CDH18: variants seen among roughly 807,000 people sequenced by gnomAD.
CDH18 encodes cadherin 18.
CDH18 carries 31 observed loss-of-function variants against 67.9 expected under a neutral mutation model. That is an observed-to-expected ratio of 0.46 (90% CI 0.34 to 0.62). The LOEUF (loss-of-function observed/expected upper bound fraction) is 0.62, where lower values mean the gene tolerates loss of function less well. CDH18 is among the 20% of genes least tolerant of loss of function. The pLI, the probability that CDH18 is intolerant of heterozygous loss-of-function variation, is 0.01. For synonymous variants in CDH18, 362 were observed against 347.2 expected (o/e 1.04, Z -0.48); for missense variants, 890 against 975.5 (o/e 0.91, Z 1.17).
At chr5:20,186,365 A>ATTCC (rs1391900528) in intron 2 of CDH18, among the ~76,000 whole-genome samples, 1 of 152,016 alleles carries the variant, frequency 6.6e-6, no homozygotes, top group African/African-American at 2.4e-5. Context: ...AGTGGAAGGA[A>ATTCC]ATATTTGCAA....
chr5:19,755,437 A>ATGTG (rs1771431422), intron 3 of CDH18, among the ~76,000 whole-genome samples: 1 of 10,176 alleles, frequency 9.8e-5, no homozygotes, highest in Admixed American at 2.3e-3. Context: ...GTATGTATAT[A>ATGTG]TATATATATA....
At chr5:20,359,304 A>C (rs1741897942) in intron 1 of CDH18, among the ~76,000 whole-genome samples, 1 of 152,170 alleles carries the variant, frequency 6.6e-6, no homozygotes, top group African/African-American at 2.4e-5. Context: ...TTATTTAATA[A>C]AAATATAAAG....
chr5:19,683,634 G>T (rs1380293363), intron 5 of CDH18, among the ~76,000 whole-genome samples: 1 of 151,900 alleles, frequency 6.6e-6, no homozygotes, highest in African/African-American at 2.4e-5. Flanking sequence ...CTGATAATGG[G>T]CATTTATTAC....
intron 2 of CDH18, among the ~76,000 whole-genome samples, chr5:20,184,550 T>A (rs1444344573): frequency 6.6e-6 from 1 of 152,106 alleles, no homozygotes; most frequent in African/African-American, 2.4e-5. Flanking sequence ...AAAATGACTA[T>A]AAGGTTATGT....
Position 19,918,182 on chromosome 5 carries a change from G to A in CDH18, c.-257+62878C>T, listed in dbSNP as rs888099540. Among the ~76,000 whole-genome samples, 3 of 152,168 alleles carry A rather than the reference G, an allele frequency of 2.0e-5. No individual in the cohort carries two copies. In the East Asian group the frequency reaches 5.8e-4, roughly 29 times the overall value. ...CCACAAATATACTCTGTCAAATTAT[G>A]TCAACATCAGCCTTCATCTCTGACT... is the stretch of plus-strand genomic sequence containing the variant. On this transcript the variant is annotated intron_variant, in intron 2 of 12. Transcript: ENST00000382275.
intron 1 of CDH18, among the ~76,000 whole-genome samples, chr5:20,277,860 A>G (rs1340848480): frequency 6.6e-6 from 1 of 152,194 alleles, no homozygotes; most frequent in Non-Finnish European, 1.5e-5. Flanking sequence ...GGAGTTGAAA[A>G]TGCAGTTGAC....
chr5:19,912,534 T>C (rs1791268939), intron 2 of CDH18, among the ~76,000 whole-genome samples: 1 of 152,206 alleles, frequency 6.6e-6, no homozygotes. Context: ...TACTAGTTTG[T>C]CTATTTTAAG....
At chr5:19,586,590 T>C (rs1028536891) in intron 7 of CDH18, among the ~76,000 whole-genome samples, 2 of 152,216 alleles carry the variant, frequency 1.3e-5, no homozygotes, top group Non-Finnish European at 2.9e-5. Flanking sequence ...CACCACATTA[T>C]CTTTACCTAG....
intron 2 of CDH18, among the ~76,000 whole-genome samples, chr5:20,101,427 C>T (rs554519734): frequency 3.6e-4 from 55 of 152,064 alleles, no homozygotes; most frequent in Non-Finnish European, 6.9e-4. Flanking sequence ...GCTTATAAAC[C>T]TTCCAATGAG....
At chr5:19,775,544 G>C (rs1355183691) in intron 3 of CDH18, among the ~76,000 whole-genome samples, 1 of 152,062 alleles carries the variant, frequency 6.6e-6, no homozygotes, top group African/African-American at 2.4e-5. Flanking sequence ...AAAGACAGTG[G>C]GGGGGAGATG....
intron 1 of CDH18, among the ~76,000 whole-genome samples, chr5:20,336,291 G>A (rs1194872029): frequency 2.0e-5 from 3 of 152,156 alleles, no homozygotes; most frequent in Non-Finnish European, 4.4e-5. Context: ...AATGAGAGAG[G>A]ACACAGTTAG....
At position 20,523,181 on chromosome 5, in the gene CDH18, C is replaced by T. The variant is rs372157390; in HGVS notation, c.-580+52281G>A. The stretch of plus-strand genomic sequence containing the variant: ...TATCCAAGTGGTATGTTGCTGAAAA[C>T]ATTAATTTTTACTAATGCTAGGAAA... On this transcript the variant is annotated intron_variant, in intron 1 of 14. Coordinates refer to the CDH18 transcript ENST00000507958. 9.9e-5 allele frequency among the ~76,000 whole-genome samples: 15 copies of T among 152,252 alleles called. No homozygotes were observed. The East Asian group carries it at 1.5e-3, about 16-fold the overall frequency.
At chr5:19,728,604 A>G (rs1767173650) in intron 4 of CDH18, among the ~76,000 whole-genome samples, 1 of 152,180 alleles carries the variant, frequency 6.6e-6, no homozygotes. Context: ...AGAGGCAGAA[A>G]GAGTAGACTT....
intron 9 of CDH18, among the ~76,000 whole-genome samples, chr5:19,524,535 C>T (rs1358299751): frequency 1.3e-5 from 2 of 151,868 alleles, no homozygotes; most frequent in Non-Finnish European, 2.9e-5. Flanking sequence ...TGATTTATCT[C>T]AGCAAAGGGT....
In CDH18 at chr5:19,747,242, A is replaced by C; in HGVS notation, c.229-6T>G. On this transcript the variant is annotated splice_region_variant and splice_polypyrimidine_tract_variant and intron_variant, in intron 3 of 12. Coordinates refer to ENST00000382275, the MANE Select transcript of CDH18 (RefSeq NM_004934.5). ...TTGTCAGAATTGGAGTGCAGCTGTG[A>C]AATACACATGGAATAATTTAGCATA... The C allele has an allele frequency of 3.1e-6, 5 of 1,607,738 alleles. No homozygotes were observed. The highest frequency in any genetic ancestry group is 4.3e-6 in the Non-Finnish European group (5 of 1,174,898).
intron 1 of CDH18, among the ~76,000 whole-genome samples, chr5:20,568,803 C>T (rs944185957): frequency 2.1e-4 from 32 of 152,128 alleles, no homozygotes; most frequent in African/African-American, 7.5e-4. Context: ...TTTCAAGAGT[C>T]CTTCCAAAAT....
chr5:20,061,036 T>C (rs1561758215), intron 2 of CDH18, among the ~76,000 whole-genome samples: 1 of 152,056 alleles, frequency 6.6e-6, no homozygotes. Context: ...GGCTATTTTA[T>C]ACACGCAAAT....
At chr5:19,795,749 T>C (rs1478500944) in intron 3 of CDH18, among the ~76,000 whole-genome samples, 2 of 152,028 alleles carry the variant, frequency 1.3e-5, no homozygotes, top group African/African-American at 2.4e-5. Context: ...AAATAATCAA[T>C]TGATGTCAAC....
In CDH18 at chr5:19,676,217, G is replaced by A. The variant is rs73760044; in HGVS notation, c.643+45130C>T. Reference sequence around the variant, plus strand: ...GATTACATAACCCTATCAAATCTACGACTCATTGGCATCCCTGAAAGAGCA... The same window carrying A: ...GATTACATAACCCTATCAAATCTACAACTCATTGGCATCCCTGAAAGAGCA... On this transcript the variant is annotated intron_variant, in intron 5 of 12. Coordinates refer to ENST00000382275, the MANE Select transcript of CDH18 (RefSeq NM_004934.5). Among the ~76,000 whole-genome samples, 447 of 152,068 alleles carry A rather than the reference G, an allele frequency of 2.9e-3. 1 individual carries two copies. The highest frequency in any genetic ancestry group is 0.01 in the African/African-American group (419 of 41,498).
Sources: allele counts gnomAD v4.1 joint callset (sites outside exome capture counted in the v4.1 genomes callset), GRCh38; gene constraint gnomAD v4.1.1; transcripts MANE v1.5; gene names NCBI Gene and HGNC (gene_info 2026-07-23, HGNC 2026-07-21).